Variants in LMBR1 observed in about 807,000 individuals in gnomAD.
The protein encoded by LMBR1 is limb region 1 protein homolog.
A neutral mutation model predicts 73.9 loss-of-function variants in LMBR1; 52 were observed. The ratio of observed to expected loss-of-function variants is 0.70; its 90% confidence interval spans 0.56 to 0.89. The LOEUF is 0.89. LMBR1 is among the 40% of genes least tolerant of loss of function. The pLI, the probability that LMBR1 is intolerant of heterozygous loss-of-function variation, is 0.00. For missense variants in LMBR1, 539 were observed against 579.8 expected (o/e 0.93, Z 0.72); for synonymous variants, 215 against 209.4 (o/e 1.03, Z -0.23).
chr7:156,768,079 C>A (rs889103019), intron 5 of LMBR1, among the ~76,000 whole-genome samples: 1 of 152,048 alleles, frequency 6.6e-6, no homozygotes, highest in African/African-American at 2.4e-5. Flanking sequence ...ATTCTTTATA[C>A]AATATTTAAA....
At chr7:156,711,952 T>C (rs1361381258) in intron 15 of LMBR1, among the ~76,000 whole-genome samples, 1 of 152,156 alleles carries the variant, frequency 6.6e-6, no homozygotes, top group Non-Finnish European at 1.5e-5. Context: ...AAAGAATTCA[T>C]GACTTAAGAC....
intron 3 of LMBR1, among the ~76,000 whole-genome samples, chr7:156,828,114 C>A (rs1325761161): frequency 2.0e-5 from 3 of 152,136 alleles, no homozygotes; most frequent in African/African-American, 7.2e-5. Context: ...AAATTGAGAT[C>A]AAATCCAAAA....
At chr7:156,698,422 C>G (rs746423720) in intron 15 of LMBR1, among the ~76,000 whole-genome samples, 5 of 152,218 alleles carry the variant, frequency 3.3e-5, no homozygotes, top group Non-Finnish European at 5.9e-5. Flanking sequence ...TCCGTACTGC[C>G]CTAGCAGAGG....
Position 156,679,795 on chromosome 7 carries a change from C to T in LMBR1, c.*4283G>A, listed in dbSNP as rs970782056. 1 of 152,168 alleles carries T rather than the reference C, an allele frequency of 6.6e-6. No individual in the cohort carries two copies. The highest frequency in any genetic ancestry group is 2.4e-5 in the African/African-American group (1 of 41,434). The allele number at this position is 152,168 out of a possible 1,614,324, so 9.4% of individuals were successfully genotyped here. A position where few individuals can be genotyped will look rare whatever the true frequency, so the allele number is the denominator to read the frequency against. On this transcript the variant is annotated 3_prime_UTR_variant, in exon 17 of 17. Transcript: ENST00000353442. ...TAATCCAGGCTCATAAACTTGACTT[C>T]TGTACCACCTTTAGAAGTAACAGCA...
At chr7:156,716,617 T>C (rs1254933665) in intron 15 of LMBR1, among the ~76,000 whole-genome samples, 1 of 152,352 alleles carries the variant, frequency 6.6e-6, no homozygotes, top group African/African-American at 2.4e-5. Flanking sequence ...ACTTTCTCAC[T>C]TGGAAAATTA....
intron 15 of LMBR1, among the ~76,000 whole-genome samples, chr7:156,702,233 T>G (rs1445731246): frequency 6.6e-6 from 1 of 152,172 alleles, no homozygotes; most frequent in Non-Finnish European, 1.5e-5. Flanking sequence ...TAACTTACAT[T>G]CCCAACAACA....
At chr7:156,799,825 G>A (rs769602423) in intron 4 of LMBR1, among the ~76,000 whole-genome samples, 5 of 152,218 alleles carry the variant, frequency 3.3e-5, no homozygotes, top group Non-Finnish European at 5.9e-5. Flanking sequence ...CTACTCCAGT[G>A]AACACACAAA....
intron 4 of LMBR1, among the ~76,000 whole-genome samples, chr7:156,796,920 G>T (rs1310945854): frequency 6.6e-6 from 1 of 152,044 alleles, no homozygotes; most frequent in Non-Finnish European, 1.5e-5. Context: ...ATAATAATTA[G>T]CATTTATTGA....
chr7:156,878,827 A>C (rs943631614), intron 1 of LMBR1, among the ~76,000 whole-genome samples: 10 of 152,234 alleles, frequency 6.6e-5, no homozygotes, highest in African/African-American at 1.9e-4. Flanking sequence ...GTAGTCTCCG[A>C]AACAGCATGG....
chr7:156,744,359 T>C (rs1435858029), intron 9 of LMBR1, among the ~76,000 whole-genome samples: 1 of 152,020 alleles, frequency 6.6e-6, no homozygotes, highest in Admixed American at 6.5e-5. Flanking sequence ...TTTTTTTCCA[T>C]TGTTCTTGGA....
chr7:156,837,330 C>A (rs1161736474), intron 1 of LMBR1, among the ~76,000 whole-genome samples: 3 of 121,944 alleles, frequency 2.5e-5, no homozygotes. Context: ...AGTGAGACTC[C>A]ATCTCAAAAA....
At chr7:156,870,812 T>C (rs1040789222) in intron 1 of LMBR1, among the ~76,000 whole-genome samples, 7 of 149,860 alleles carry the variant, frequency 4.7e-5, no homozygotes, top group Non-Finnish European at 1.0e-4. Context: ...CCAAAACTTA[T>C]GGGATGAAAC....
At chr7:156,712,008 A>T (rs1044380935) in intron 15 of LMBR1, among the ~76,000 whole-genome samples, 1 of 152,212 alleles carries the variant, frequency 6.6e-6, no homozygotes, top group Admixed American at 6.5e-5. Flanking sequence ...AATGGAACTT[A>T]ATTAAACTAA....
At chr7:156,781,392 G>A (rs1202649291) in intron 5 of LMBR1, among the ~76,000 whole-genome samples, 2 of 152,142 alleles carry the variant, frequency 1.3e-5, no homozygotes, top group Non-Finnish European at 2.9e-5. Flanking sequence ...CTAGTCCCCC[G>A]TTAGCTCCTT....
chr7:156,730,784 A>T (rs1204550183), intron 10 of LMBR1, among the ~76,000 whole-genome samples: 6 of 152,154 alleles, frequency 3.9e-5, no homozygotes, highest in Non-Finnish European at 8.8e-5. Flanking sequence ...AAAAATACAA[A>T]AAATTAGCCA....
intron 15 of LMBR1, among the ~76,000 whole-genome samples, chr7:156,719,757 T>G (rs1814104405): frequency 6.6e-6 from 1 of 152,022 alleles, no homozygotes; most frequent in South Asian, 2.1e-4. Context: ...AAAACAGAGA[T>G]ATAGATCAAT....
intron 1 of LMBR1, among the ~76,000 whole-genome samples, chr7:156,839,566 A>G (rs1838276910): frequency 6.6e-6 from 1 of 152,190 alleles, no homozygotes; most frequent in Non-Finnish European, 1.5e-5. Context: ...TGAAGTCTAG[A>G]GAATATCCCT....
At chr7:156,700,203 C>T (rs1347115241) in intron 15 of LMBR1, among the ~76,000 whole-genome samples, 1 of 152,158 alleles carries the variant, frequency 6.6e-6, no homozygotes, top group African/African-American at 2.4e-5. Context: ...CCATGGAATA[C>T]TATGCAGCCA....
At chr7:156,845,087 T>TC (rs1239419052) in intron 1 of LMBR1, among the ~76,000 whole-genome samples, 3 of 152,158 alleles carry the variant, frequency 2.0e-5, no homozygotes, top group African/African-American at 7.2e-5. Context: ...AGGACTGCTA[T>TC]CACCAACACA....
Sources: gnomAD v4.1 joint callset for allele counts (sites outside exome capture counted in the v4.1 genomes callset) on GRCh38, gnomAD v4.1.1 for gene constraint, MANE v1.5 for transcripts, NCBI Gene and HGNC (gene_info 2026-07-23, HGNC 2026-07-21) for gene names.